The following ITPRID2 variants were observed in gnomAD, a reference collection of about 807,000 sequenced individuals.
ITPRID2 encodes ITPR interacting domain containing 2.
A neutral mutation model predicts 124.3 loss-of-function variants in ITPRID2; 60 were observed. That is an observed-to-expected ratio of 0.48 (90% CI 0.39 to 0.60). The LOEUF is 0.60. Among genes scored for constraint, ITPRID2 ranks in the 20% least tolerant of loss-of-function variants. The probability of loss-of-function intolerance (pLI) is 0.00; values close to 1 mark genes in which losing one functional copy is unlikely to be tolerated. For missense variants in ITPRID2, 1,553 were observed against 1,512.2 expected (o/e 1.03, Z -0.45); for synonymous variants, 521 against 542.9 (o/e 0.96, Z 0.56).
intron 15 of ITPRID2, 124 bp from the exon 16 acceptor site, chr2:181,921,824 G>A (rs1694500124): frequency 1.2e-6 from 1 of 840,746 alleles, no homozygotes. Context: ...TTAAATTAAT[G>A]GAATAGATTT....
rs1178575559 is a variant in ITPRID2, at chr2:181,919,820, A to G, written c.3144+374A>G. Among the ~76,000 whole-genome samples, 1 of 151,740 alleles carries G rather than the reference A, an allele frequency of 6.6e-6. No homozygotes were observed. The highest frequency in any genetic ancestry group is 1.5e-5 in the Non-Finnish European group (1 of 67,918). On this transcript the variant is annotated intron_variant, in intron 14 of 17. Coordinates refer to ENST00000431877, the MANE Select transcript of ITPRID2 (RefSeq NM_001130445.3). The surrounding 1 kb of genome is among the most constrained non-coding windows in gnomAD (Gnocchi z 4.2). ...ATATTTTGCTGTTTTTTTTTCTTTC[A>G]TGCCTTTAAATAAAAAAGTGTTCCT...
intron 9 of ITPRID2, among the ~76,000 whole-genome samples, chr2:181,913,112 G>A (rs1316072361): frequency 6.6e-6 from 1 of 151,516 alleles, no homozygotes; most frequent in Non-Finnish European, 1.5e-5. Flanking sequence ...CTGTCGCCCA[G>A]GCTGGAGTGC....
chr2:181,903,953 TAGC>T (rs1272548780), intron 8 of ITPRID2, among the ~76,000 whole-genome samples: 36 of 152,268 alleles, frequency 2.4e-4, no homozygotes, highest in African/African-American at 8.7e-4. Context: ...TTTAATACAA[TAGC>T]AGAGCATAAA....
chr2:181,914,678 G>A (rs974601189), intron 10 of ITPRID2, among the ~76,000 whole-genome samples: 2 of 152,134 alleles, frequency 1.3e-5, no homozygotes, highest in African/African-American at 4.8e-5. Flanking sequence ...GGGTCTTTTT[G>A]TCCTTTTATA....
At position 181,896,775 on chromosome 2, in the gene ITPRID2, T is replaced by G. The variant is rs1473366805; in HGVS notation, c.308-133T>G. On this transcript the variant is annotated intron_variant, in intron 3 of 17. Transcript: ENST00000431877. This position sits in a 1 kb window ranked among gnomAD's most constrained non-coding sequence, Gnocchi z 4.3. The stretch of plus-strand genomic sequence containing the variant: ...TTGAAGTTATATAATCAGAATAATG[T>G]CTGAGTACATTCAAGTCTGAAAGAT... 3 of 710,926 alleles carry G rather than the reference T, an allele frequency of 4.2e-6. No homozygotes were observed. The East Asian group carries it at 7.4e-5, about 18-fold the overall frequency. 44.0% of individuals were successfully genotyped at this position (710,926 alleles called of 1,614,324 possible). A position where few individuals can be genotyped will look rare whatever the true frequency, so the allele number is the denominator to read the frequency against.
intron 16 of ITPRID2, among the ~76,000 whole-genome samples, chr2:181,926,396 G>A (rs1275428236): frequency 6.6e-6 from 1 of 151,778 alleles, no homozygotes; most frequent in East Asian, 1.9e-4. Flanking sequence ...AAAAAGATTG[G>A]CACACATTCC....
rs1345225037 is a variant in ITPRID2 at position 181,910,053 on chromosome 2, T to G, written c.1486+82T>G. 1.9e-6 allele frequency: 2 copies of G among 1,068,590 alleles called. No homozygotes were observed. The highest frequency in any genetic ancestry group is 2.8e-6 in the Non-Finnish European group (2 of 710,866). 66.2% of individuals were successfully genotyped at this position (1,068,590 alleles called of 1,614,324 possible). ...GAAAAGGGGTTTTATGTATCAGTAT[T>G]TGTAGTATTTATGAGTGTGAAAAGG... On this transcript the variant is annotated intron_variant, in intron 9 of 17. Coordinates refer to ENST00000431877, the MANE Select transcript of ITPRID2 (RefSeq NM_001130445.3). The surrounding 1 kb of genome is among the most constrained non-coding windows in gnomAD (Gnocchi z 4.1).
At chr2:181,913,814 GT>G in intron 9 of ITPRID2, 30 bp from the exon 10 acceptor site, 1 of 1,537,604 alleles carries the variant, frequency 6.5e-7, no homozygotes, top group Non-Finnish European at 8.9e-7. Flanking sequence ...TAGATCATCT[GT>G]TTCTTATAGC....
At chr2:181,928,984 A>G (rs1027139300) in intron 17 of ITPRID2, among the ~76,000 whole-genome samples, 2 of 152,078 alleles carry the variant, frequency 1.3e-5, no homozygotes, top group Non-Finnish European at 2.9e-5. Context: ...AAAGAAACAT[A>G]TCCCATAGAT....
In ITPRID2 at chr2:181,922,309, A is replaced by C. The variant is rs368591429; in HGVS notation, c.3572A>C (p.Lys1191Thr). The C allele has an allele frequency of 3.1e-6, 5 of 1,614,214 alleles. No homozygotes were observed. The highest frequency in any genetic ancestry group is 4.2e-6 in the Non-Finnish European group (5 of 1,180,050). ...GGAGCCCCAGAAGTTGTAGGACCTAAATCTGAAGTGGAAGAAGGGCATGGA... is the reference window on the plus strand; with the variant it reads ...GGAGCCCCAGAAGTTGTAGGACCTACATCTGAAGTGGAAGAAGGGCATGGA... ...AEGAPEVVGP[K>T]SEVEEGHGKL... is the part of the protein sequence containing the mutation. The change falls in exon 16 of 18, where the codon AAA becomes ACA. Residue 1191 changes from lysine to threonine, a missense_variant. Physicochemically the swap from Lys to Thr is moderately conservative, Grantham distance 78 (BLOSUM62 -1). Transcript: ENST00000431877.
Position 181,892,133 on chromosome 2 carries a change from A to G in ITPRID2, c.67A>G (p.Arg23Gly), listed in dbSNP as rs749831450. The G allele has an allele frequency of 6.4e-7, 1 of 1,558,670 alleles. No homozygotes were observed. Among genetic ancestry groups the G allele is most frequent in the South Asian group, 1.2e-5 (1 of 84,534 alleles). ...ACTGGAGTGGCAAGTGGCGAGTCGC[A>G]GGAGGAAGGCCTGGGCCAAGTGCCG... is the stretch of plus-strand genomic sequence containing the variant. ...EELEWQVASRRRKAWAKCRSS... is the reference protein window; with the variant it reads ...EELEWQVASRGRKAWAKCRSS... Residue 23 changes from arginine (R) to glycine (G), a missense_variant, in exon 1 of 18, where the codon AGG becomes GGG. Coordinates refer to ENST00000431877, the MANE Select transcript of ITPRID2 (RefSeq NM_001130445.3). This position sits in a 1 kb window ranked among gnomAD's most constrained non-coding sequence, Gnocchi z 5.2.
Position 181,913,836 on chromosome 2 carries a change from T to C in ITPRID2, c.1487-9T>C. ...TCTGTTTCTTATAGCCACATTTTTT[T>C]ATTCATAGATCATCTGTTACGTACT... On this transcript the variant is annotated splice_polypyrimidine_tract_variant and intron_variant, in intron 9 of 17. Transcript: ENST00000431877. The C allele has an allele frequency of 1.3e-6, 2 of 1,599,912 alleles. No homozygotes were observed. Among genetic ancestry groups the C allele is most frequent in the Non-Finnish European group, 1.7e-6 (2 of 1,175,122 alleles).
chr2:181,899,168 T>TA, intron 6 of ITPRID2, 56 bp downstream of exon 6: 2 of 1,242,178 alleles, frequency 1.6e-6, no homozygotes. Context: ...GACCTACTCT[T>TA]ATCATTTTTT....
At position 181,919,988 on chromosome 2, in the gene ITPRID2, A is replaced by G. The variant is rs1327445263; in HGVS notation, c.3144+542A>G. The stretch of plus-strand genomic sequence containing the variant: ...ATATAGATATATATCCAAGAGAATA[A>G]AAAGAAACATGTTTTTGTACCACTT... On this transcript the variant is annotated intron_variant, in intron 14 of 17. Transcript: ENST00000431877. The surrounding 1 kb of genome is among the most constrained non-coding windows in gnomAD (Gnocchi z 4.2). Among the ~76,000 whole-genome samples, 3 of 152,170 alleles carry G rather than the reference A, an allele frequency of 2.0e-5. No homozygotes were observed. Among genetic ancestry groups the G allele is most frequent in the Non-Finnish European group, 4.4e-5 (3 of 68,004 alleles).
At position 181,928,287 on chromosome 2, in the gene ITPRID2, T is replaced by G. The variant is rs1310253259; in HGVS notation, c.*13+9T>G. ...TTAAACAGAAATTATAGGTAAATTT[T>G]TCTGAGTTTCTTTGTTGAGCTAAAT... On this transcript the variant is annotated intron_variant, in intron 17 of 17. Coordinates refer to ENST00000431877, the MANE Select transcript of ITPRID2 (RefSeq NM_001130445.3). 8 of 1,470,062 alleles carry G rather than the reference T, an allele frequency of 5.4e-6. No homozygotes were observed. Among genetic ancestry groups the G allele is most frequent in the Non-Finnish European group, 7.4e-6 (8 of 1,085,334 alleles). 91.1% of individuals were successfully genotyped at this position (1,470,062 alleles called of 1,614,324 possible). A position where few individuals can be genotyped will look rare whatever the true frequency, so the allele number is the denominator to read the frequency against.
rs1351692832 is a variant in ITPRID2, at chr2:181,928,290, T to C, written c.*13+12T>C. The C allele has an allele frequency of 6.9e-7, 1 of 1,449,916 alleles. No individual in the cohort carries two copies. Among genetic ancestry groups the C allele is most frequent in the African/African-American group, 1.4e-5 (1 of 69,988 alleles). 89.8% of individuals were successfully genotyped at this position (1,449,916 alleles called of 1,614,324 possible). A position where few individuals can be genotyped will look rare whatever the true frequency, so the allele number is the denominator to read the frequency against. ...AACAGAAATTATAGGTAAATTTTTC[T>C]GAGTTTCTTTGTTGAGCTAAATGTA... is the stretch of plus-strand genomic sequence containing the variant. On this transcript the variant is annotated intron_variant, in intron 17 of 17. Transcript: ENST00000431877.
Position 181,919,475 on chromosome 2 carries a change from T to C in ITPRID2, c.3144+29T>C. 1 of 1,516,084 alleles carries C rather than the reference T, an allele frequency of 6.6e-7. No individual in the cohort carries two copies. The allele number at this position is 1,516,084 out of a possible 1,614,324, so 93.9% of individuals were successfully genotyped here. On this transcript the variant is annotated intron_variant, in intron 14 of 17. Coordinates refer to ENST00000431877, the MANE Select transcript of ITPRID2 (RefSeq NM_001130445.3). This position sits in a 1 kb window ranked among gnomAD's most constrained non-coding sequence, Gnocchi z 4.2. ...CGCTACCTGGAGGGTGGTCGGAGTT[T>C]TCACCAAAGGTTTATTTATAATGTT... is the stretch of plus-strand genomic sequence containing the variant.
Position 181,901,806 on chromosome 2 carries a change from T to C in ITPRID2, c.753T>C (p.Asn251=), listed in dbSNP as rs1218945071. 2.5e-6 allele frequency: 4 copies of C among 1,613,430 alleles called. No individual in the cohort carries two copies. The South Asian group carries it at 4.4e-5, about 18-fold the overall frequency. Residue 251 remains asparagine, a synonymous_variant, in exon 8 of 18, where the codon AAT becomes AAC. Transcript: ENST00000431877. ...TTGAAGTGCTTACTACTGTGGCCAA[T>C]GCGTTTTCTTCTTTATATTCTCAAG... ...RQIEVLTTVA[N]AFSSLYSQVS...
chr2:181,892,894 T>A lies in ITPRID2; in HGVS notation c.257+234T>A. ...AGTTAGGACTTGAGCTACTCACGCA[T>A]CGTGTTAGCATCAGAGATCAGAAAT... On this transcript the variant is annotated intron_variant, in intron 2 of 17. Transcript: ENST00000431877. This position sits in a 1 kb window ranked among gnomAD's most constrained non-coding sequence, Gnocchi z 5.2. 1.7e-6 allele frequency: 1 copy of A among 590,442 alleles called. No homozygotes were observed. The highest frequency in any genetic ancestry group is 3.0e-6 in the Non-Finnish European group (1 of 329,742). The allele number at this position is 590,442 out of a possible 1,614,324, so 36.6% of individuals were successfully genotyped here.
Sources: allele counts gnomAD v4.1 joint callset (sites outside exome capture counted in the v4.1 genomes callset), GRCh38; gene constraint gnomAD v4.1.1; non-coding constraint Gnocchi (gnomAD v3.1); transcripts MANE v1.5; gene names NCBI Gene and HGNC (gene_info 2026-07-23, HGNC 2026-07-21).